Variants in SLCO2B1 observed in about 807,000 individuals in gnomAD.
SLCO2B1 encodes the protein solute carrier organic anion transporter family member 2B1, also known as OATP-RP2.
A neutral mutation model predicts 67.3 loss-of-function variants in SLCO2B1; 41 were observed. That is an observed-to-expected ratio of 0.61 (90% confidence interval 0.47 to 0.79). SLCO2B1 has a LOEUF of 0.79. Ranked by LOEUF, SLCO2B1 falls within the 30% of genes least tolerant of loss-of-function variation. The pLI is 0.00. For missense variants in SLCO2B1, 837 were observed against 920.1 expected (o/e 0.91, Z 1.17); for synonymous variants, 379 against 381.4 (o/e 0.99, Z 0.07).
At chr11:75,158,109 C>G (rs1351937657) in intron 1 of SLCO2B1, among the ~76,000 whole-genome samples, 1 of 152,204 alleles carries the variant, frequency 6.6e-6, no homozygotes, top group Non-Finnish European at 1.5e-5. Flanking sequence ...GGGTCTCACG[C>G]TGTCGCCCAG....
Position 75,204,389 on chromosome 11 carries a change from T to G in SLCO2B1, c.1950-11T>G, listed in dbSNP as rs1480746386. Reference sequence around the variant, plus strand: ...AGCTCTTGAGTTCAAGGGTCCCCATTCTTTCCCCAGGTTCATCGGCCTCCA... The same window carrying G: ...AGCTCTTGAGTTCAAGGGTCCCCATGCTTTCCCCAGGTTCATCGGCCTCCA... On this transcript the variant is annotated splice_polypyrimidine_tract_variant and intron_variant, in intron 13 of 13. Transcript: ENST00000289575. The G allele has an allele frequency of 6.3e-7, 1 of 1,593,050 alleles. No homozygotes were observed. The highest frequency in any genetic ancestry group is 8.6e-7 in the Non-Finnish European group (1 of 1,169,434).
At chr11:75,174,499 G>A (rs1950001174) in intron 7 of SLCO2B1, among the ~76,000 whole-genome samples, 1 of 152,194 alleles carries the variant, frequency 6.6e-6, no homozygotes, top group South Asian at 2.1e-4. Context: ...ACTGCACATA[G>A]CTGCCCTGCT....
chr11:75,155,859 A>G, intron 1 of SLCO2B1, among the ~76,000 whole-genome samples: 1 of 152,174 alleles, frequency 6.6e-6, no homozygotes, highest in Admixed American at 6.5e-5. Flanking sequence ...GGAAAAGAAC[A>G]TGATGAATTT....
At chr11:75,162,856 T>G in intron 2 of SLCO2B1, 71 bp downstream of exon 2, 1 of 1,532,906 alleles carries the variant, frequency 6.5e-7, no homozygotes, top group South Asian at 1.2e-5. Flanking sequence ...GGTGGTGTAA[T>G]GCCAAGGAAG....
At chr11:75,171,125 G>A (rs1313674356) in intron 6 of SLCO2B1, among the ~76,000 whole-genome samples, 3 of 152,174 alleles carry the variant, frequency 2.0e-5, no homozygotes, top group Non-Finnish European at 4.4e-5. Flanking sequence ...CAGCGCAAAA[G>A]CCAAACCCAT....
At chr11:75,166,106 C>A (rs1311626805) in intron 4 of SLCO2B1, among the ~76,000 whole-genome samples, 157 bp downstream of exon 4, 6 of 152,154 alleles carry the variant, frequency 3.9e-5, no homozygotes, top group Non-Finnish European at 8.8e-5. Flanking sequence ...TCCCCAGGCC[C>A]CAGCCCAGGT....
At chr11:75,198,227 T>C (rs1945130285) in intron 10 of SLCO2B1, among the ~76,000 whole-genome samples, 1 of 152,202 alleles carries the variant, frequency 6.6e-6, no homozygotes, top group African/African-American at 2.4e-5. Flanking sequence ...CCTGTGGATA[T>C]GGGAACCGAT....
intron 10 of SLCO2B1, chr11:75,199,922 T>A: frequency 2.5e-6 from 1 of 405,288 alleles, no homozygotes; most frequent in South Asian, 3.8e-5. Context: ...AGTTGGTGTG[T>A]AGAATGTGGG....
chr11:75,200,395 T>TG lies in SLCO2B1; in HGVS notation c.1763+13dup. 6.3e-7 allele frequency: 1 copy of TG among 1,581,838 alleles called. No individual in the cohort carries two copies. On this transcript the variant is annotated intron_variant, in intron 11 of 13. Coordinates refer to ENST00000289575, the MANE Select transcript of SLCO2B1 (RefSeq NM_007256.5). ...CTTCATGCTCATCCTAAGGTGAAGG[T>TG]GGGGGTGGGGCAGGGGCAGGTGGAT...
Position 75,172,392 on chromosome 11 carries a change from G to A in SLCO2B1, c.795G>A (p.Leu265=). The part of the protein sequence containing the change: ...INQMPEGGIS[L]TIKDPRWVGA... ...CTTCTCTTCCAGGTGGTATCAGCCT[G>A]ACCATAAAGGACCCCCGATGGGTGG... Residue 265 remains leucine (L), a synonymous_variant, in exon 7 of 14, where the codon CTG becomes CTA. Transcript: ENST00000289575. The A allele has an allele frequency of 6.2e-7, 1 of 1,613,686 alleles. No individual in the cohort carries two copies. Among genetic ancestry groups the A allele is most frequent in the Non-Finnish European group, 8.5e-7 (1 of 1,179,714 alleles).
intron 11 of SLCO2B1, chr11:75,202,225 A>G (rs755069646): frequency 1.3e-5 from 2 of 152,106 alleles, no homozygotes; most frequent in Non-Finnish European, 2.9e-5. Flanking sequence ...ATGTAGATCT[A>G]GAACACAAGC....
intron 1 of SLCO2B1, among the ~76,000 whole-genome samples, chr11:75,154,786 G>T (rs2712818): frequency 0.56 from 85,095 of 152,172 alleles, 24,746 homozygotes; most frequent in Non-Finnish European, 0.65. Flanking sequence ...GCCTGAAGAC[G>T]GTCATTTGGG....
intron 8 of SLCO2B1, among the ~76,000 whole-genome samples, chr11:75,189,161 G>A (rs1379821396): frequency 6.6e-6 from 1 of 152,176 alleles, no homozygotes; most frequent in Non-Finnish European, 1.5e-5. Context: ...AGTAACCAGA[G>A]TACACATTAT....
chr11:75,163,981 A>G lies in SLCO2B1; in HGVS notation c.166A>G (p.Ser56Gly), dbSNP rs1370489724. 1.2e-6 allele frequency: 2 copies of G among 1,602,762 alleles called. No homozygotes were observed. Among genetic ancestry groups the G allele is most frequent in the Non-Finnish European group, 8.5e-7 (1 of 1,174,932 alleles). ...CCCACAGCTGTTCGTTCTGTGCCAC[A>G]GCCTGCTGCAGCTGGCGCAGCTCAT... ...HNIKLFVLCH[S>G]LLQLAQLMIS... The change falls in exon 3 of 14, where the codon AGC becomes GGC. Residue 56 changes from serine to glycine, a missense_variant. Ser to Gly is a moderately conservative substitution (Grantham distance 56). Coordinates refer to ENST00000289575, the MANE Select transcript of SLCO2B1 (RefSeq NM_007256.5).
At chr11:75,171,039 A>G (rs1360728186) in intron 6 of SLCO2B1, among the ~76,000 whole-genome samples, 1 of 152,118 alleles carries the variant, frequency 6.6e-6, no homozygotes, top group Admixed American at 6.5e-5. Flanking sequence ...CGGGTTGGAG[A>G]GGTGCATGTG....
At chr11:75,192,273 A>C (rs966774426) in intron 8 of SLCO2B1, among the ~76,000 whole-genome samples, 5 of 152,206 alleles carry the variant, frequency 3.3e-5, no homozygotes, top group African/African-American at 1.2e-4. Flanking sequence ...CATTCCATGA[A>C]TTCAGGTGCC....
At position 75,204,762 on chromosome 11, in the gene SLCO2B1, G is replaced by C. The variant is rs1945245802; in HGVS notation, c.*182G>C. On this transcript the variant is annotated 3_prime_UTR_variant, in exon 14 of 14. Transcript: ENST00000289575. ...CCTTTGCTTGCTAGTCTGAACCAAA[G>C]AGTTGTTTGGGCATTTGCTGTGTTG... 4.2e-6 allele frequency: 2 copies of C among 478,228 alleles called. No individual in the cohort carries two copies. The highest frequency in any genetic ancestry group is 4.2e-5 in the Admixed American group (1 of 24,086). The allele number at this position is 478,228 out of a possible 1,614,324, so 29.6% of individuals were successfully genotyped here.
Position 75,158,498 on chromosome 11 carries a change from T to C in SLCO2B1, c.17-4157T>C, listed in dbSNP as rs146561186. Among the ~76,000 whole-genome samples, 304 of 152,304 alleles carry C rather than the reference T, an allele frequency of 2.0e-3. 3 individuals are homozygous for C. Among genetic ancestry groups the C allele is most frequent in the African/African-American group, 6.9e-3 (286 of 41,568 alleles). ...TTCAAAGTTAAGGCTGTTTTTTTTTTCTCCAGGTACAAAGACAGCAACTCT... is the reference window on the plus strand; with the variant it reads ...TTCAAAGTTAAGGCTGTTTTTTTTTCCTCCAGGTACAAAGACAGCAACTCT... On this transcript the variant is annotated intron_variant, in intron 1 of 13. Transcript: ENST00000289575.
At position 75,151,411 on chromosome 11, in the gene SLCO2B1, AATT is replaced by A. The variant is rs1247617041; in HGVS notation, c.16+16_16+18del. The A allele has an allele frequency of 6.2e-7, 1 of 1,613,592 alleles. No individual in the cohort carries two copies. Among genetic ancestry groups the A allele is most frequent in the African/African-American group, 1.3e-5 (1 of 74,916 alleles). On this transcript the variant is annotated intron_variant, in intron 1 of 13. Coordinates refer to ENST00000289575, the MANE Select transcript of SLCO2B1 (RefSeq NM_007256.5). Reference sequence around the variant, plus strand: ...GACCCAGGATAGGTAAGTCCGAACAAATTAAGGAAGGGCCATGGAGAGCAAGCC... The same window carrying A: ...GACCCAGGATAGGTAAGTCCGAACAAAAGGAAGGGCCATGGAGAGCAAGCC...
Sources: allele counts gnomAD v4.1 joint callset (sites outside exome capture counted in the v4.1 genomes callset), GRCh38; gene constraint gnomAD v4.1.1; transcripts MANE v1.5; gene names NCBI Gene and HGNC (gene_info 2026-07-23, HGNC 2026-07-21).